CROCC: variants seen among roughly 807,000 people sequenced by gnomAD.
CROCC encodes the protein rootletin.
A neutral mutation model predicts 245.2 loss-of-function variants in CROCC; 180 were observed. The ratio of observed to expected loss-of-function variants is 0.73; its 90% CI spans 0.65 to 0.83. The LOEUF is 0.83. Among genes scored for constraint, CROCC ranks in the 40% least tolerant of loss-of-function variants. The probability of loss-of-function intolerance (pLI) is 0.00; values close to 1 mark genes in which losing one functional copy is unlikely to be tolerated. For missense variants in CROCC, 2,688 were observed against 2,779.4 expected, an observed-to-expected ratio of 0.97 and a Z score of 0.74; for synonymous variants, 1,205 against 1,241.6, an observed-to-expected ratio of 0.97 and a Z score of 0.62.
intron 13 of CROCC, chr1:16,940,920 T>C (rs1367200031): frequency 4.7e-6 from 2 of 425,450 alleles, no homozygotes; most frequent in African/African-American, 4.1e-5. Context: ...GAGAGTTAGG[T>C]TTCCACTCCC....
chr1:16,969,442 G>A, intron 32 of CROCC, 102 bp downstream of exon 32: 1 of 1,171,638 alleles, frequency 8.5e-7, no homozygotes, highest in Non-Finnish European at 1.2e-6. Context: ...CAATGGGGCA[G>A]TCAGTTGGAG....
chr1:16,933,222 T>G (rs1382746262), intron 8 of CROCC, among the ~76,000 whole-genome samples: 13 of 152,276 alleles, frequency 8.5e-5, no homozygotes, highest in African/African-American at 3.1e-4. Flanking sequence ...TCCCAGTACT[T>G]CAGGAGGCCG....
chr1:16,916,809 G>A (rs868296078), intron 1 of CROCC, among the ~76,000 whole-genome samples: 2 of 152,272 alleles, frequency 1.3e-5, no homozygotes, highest in African/African-American at 2.4e-5. Context: ...CAGTGCACCC[G>A]GCTTGCTGTT....
intron 32 of CROCC, 123 bp from the exon 33 acceptor site, chr1:16,969,662 C>T (rs113944823): frequency 7.1e-6 from 10 of 1,398,778 alleles, no homozygotes; most frequent in Non-Finnish European, 9.6e-6. Context: ...TTGGTGTGCA[C>T]CCCACCCTCC....
At chr1:16,962,246 G>C (rs984691692) in intron 27 of CROCC, among the ~76,000 whole-genome samples, 1 of 151,484 alleles carries the variant, frequency 6.6e-6, no homozygotes, top group African/African-American at 2.4e-5. Context: ...TGTATTTTTA[G>C]TAGAGACGGG....
At chr1:16,945,003 C>T (rs1172654874) in intron 14 of CROCC, among the ~76,000 whole-genome samples, 1 of 152,282 alleles carries the variant, frequency 6.6e-6, no homozygotes, top group Non-Finnish European at 1.5e-5. Context: ...GAGGCCAAGG[C>T]AGGCAGATCG....
In CROCC at chr1:16,960,897, T is replaced by C; in HGVS notation, c.4172T>C (p.Leu1391Pro). 1.3e-6 allele frequency: 2 copies of C among 1,507,478 alleles called. No individual in the cohort carries two copies. Among genetic ancestry groups the C allele is most frequent in the South Asian group, 2.5e-5 (2 of 81,052 alleles). The allele number at this position is 1,507,478 out of a possible 1,614,324, so 93.4% of individuals were successfully genotyped here. A position where few individuals can be genotyped will look rare whatever the true frequency, so the allele number is the denominator to read the frequency against. Residue 1391 changes from leucine to proline, a missense_variant, in exon 27 of 37, where the codon CTG becomes CCG. Physicochemically the swap from Leu to Pro is moderately conservative, Grantham distance 98. Coordinates refer to ENST00000375541, the MANE Select transcript of CROCC (RefSeq NM_014675.5). ...LDHARGLELKLEAARAEAAEL... is the reference protein window; with the variant it reads ...LDHARGLELKPEAARAEAAEL... ...CACGCCCGCGGCCTGGAGCTGAAGC[T>C]GGAGGCGGCGCGGGCCGAGGCTGCA... is the stretch of plus-strand genomic sequence containing the variant.
rs1430901377 is a variant in CROCC, at chr1:16,935,948, T to C, written c.957-689T>C. Among the ~76,000 whole-genome samples, 4 of 152,246 alleles carry C rather than the reference T, an allele frequency of 2.6e-5. No individual in the cohort carries two copies. The East Asian group carries it at 7.7e-4, about 29-fold the overall frequency. ...CGGTGGGGAAGGTCCTATGCATGCA[T>C]AGTTTTCAGAGCTCTCCCTCAGTGC... On this transcript the variant is annotated intron_variant, in intron 8 of 36. Transcript: ENST00000375541.
chr1:16,921,092 A>C (rs1417383971), upstream of CROCC, among the ~76,000 whole-genome samples: 2 of 152,246 alleles, frequency 1.3e-5, no homozygotes, highest in African/African-American at 2.4e-5. Context: ...GTATTTCTTG[A>C]GTGTTGGCCA....
intron 14 of CROCC, among the ~76,000 whole-genome samples, chr1:16,944,508 G>A (rs1358268276): frequency 6.6e-6 from 1 of 152,308 alleles, no homozygotes; most frequent in Non-Finnish European, 1.5e-5. Context: ...GAACTTGGAT[G>A]ATAATAACAA....
chr1:16,955,950 G>A lies in CROCC; in HGVS notation c.3705-47G>A, dbSNP rs771903051. The A allele has an allele frequency of 5.2e-6, 8 of 1,547,126 alleles. No individual in the cohort carries two copies. In the South Asian group the frequency reaches 8.3e-5, roughly 16 times the overall value. Reference sequence around the variant, plus strand: ...GAGACGGCTTTTGTGTAGAGCCACTGACTACTCCCAGGACCCAGGGCAGCC... The same window carrying A: ...GAGACGGCTTTTGTGTAGAGCCACTAACTACTCCCAGGACCCAGGGCAGCC... On this transcript the variant is annotated intron_variant, in intron 24 of 36. Coordinates refer to ENST00000375541, the MANE Select transcript of CROCC (RefSeq NM_014675.5).
upstream of CROCC, among the ~76,000 whole-genome samples, chr1:16,920,218 A>T (rs2075375140): frequency 6.6e-6 from 1 of 152,264 alleles, no homozygotes; most frequent in South Asian, 2.1e-4. Context: ...AGCTGGGACT[A>T]CAGGTGTGCA....
Position 16,956,126 on chromosome 1 carries a change from T to C in CROCC, c.3834T>C (p.Ala1278=). 6.5e-7 allele frequency: 1 copy of C among 1,546,254 alleles called. No homozygotes were observed. Among genetic ancestry groups the C allele is most frequent in the South Asian group, 1.2e-5 (1 of 83,710 alleles). ...AGGTGGAGCGCTCACGGCTGGAGGC[T>C]CGGCGGGAGCTGCAGGAGCTCCGGC... ...LQEVERSRLE[A]RRELQELRRQ... The change falls in exon 25 of 37, where the codon GCT becomes GCC. Residue 1278 remains alanine (A), a synonymous_variant. Coordinates refer to ENST00000375541, the MANE Select transcript of CROCC (RefSeq NM_014675.5).
chr1:16,923,671 T>A (rs1570583224), intron 2 of CROCC, among the ~76,000 whole-genome samples: 1 of 147,256 alleles, frequency 6.8e-6, no homozygotes, highest in East Asian at 2.0e-4. Flanking sequence ...ACTACTATTC[T>A]ACCTTTTTTT....
At chr1:16,922,848 C>T (rs1395190621) in intron 2 of CROCC, 50 bp downstream of exon 2, 1 of 1,586,944 alleles carries the variant, frequency 6.3e-7, no homozygotes, top group Non-Finnish European at 8.6e-7. Context: ...CATTTTACCT[C>T]TTCTCATGTC....
At chr1:16,953,256 G>C in intron 20 of CROCC, 46 bp from the exon 21 acceptor site, 1 of 1,528,354 alleles carries the variant, frequency 6.5e-7, no homozygotes, top group East Asian at 2.4e-5. Flanking sequence ...GGGTCTGCCT[G>C]GGCCCCCTCC....
chr1:16,922,626 C>T, intron 1 of CROCC, 37 bp from the exon 2 acceptor site: 2 of 1,565,082 alleles, frequency 1.3e-6, no homozygotes, highest in African/African-American at 1.4e-5. Context: ...AGCCCCGGGT[C>T]CCATGTCCCC....
At chr1:16,944,762 G>A (rs2076009189) in intron 14 of CROCC, among the ~76,000 whole-genome samples, 2 of 152,260 alleles carry the variant, frequency 1.3e-5, no homozygotes, top group Admixed American at 6.5e-5. Flanking sequence ...GAAGAGCCAG[G>A]ATTTGAACCC....
chr1:16,916,183 C>CAAAAAAA (rs58710425), intron 1 of CROCC, among the ~76,000 whole-genome samples: 4 of 107,920 alleles, frequency 3.7e-5, no homozygotes, highest in Non-Finnish European at 6.2e-5. Flanking sequence ...GACTCTGCCT[C>CAAAAAAA]AAAAAAAAAG....
Sources: gnomAD v4.1 joint callset for allele counts (sites outside exome capture counted in the v4.1 genomes callset) on GRCh38, gnomAD v4.1.1 for gene constraint, MANE v1.5 for transcripts, NCBI Gene and HGNC (gene_info 2026-07-23, HGNC 2026-07-21) for gene names.